CCDC57: variants seen among roughly 807,000 people sequenced by gnomAD.
CCDC57 encodes the protein coiled-coil domain containing 57, also known as coiled-coil domain-containing protein 57.
Under a neutral mutation model 118.9 loss-of-function variants are expected in CCDC57, and 118 were observed. The observed-to-expected ratio is 0.99, with a 90% CI of 0.86 to 1.16. The LOEUF (loss-of-function observed/expected upper bound fraction) is 1.16, where lower values mean the gene tolerates loss of function less well. Ranked by LOEUF, CCDC57 falls within the 50% of genes most tolerant of loss-of-function variation. The pLI, the probability that CCDC57 is intolerant of heterozygous loss-of-function variation, is 0.00. For missense variants in CCDC57, 1,300 were observed against 1,320.7 expected, an observed-to-expected ratio of 0.98 and a Z score of 0.24; for synonymous variants, 527 against 532.9, an observed-to-expected ratio of 0.99 and a Z score of 0.15.
intron 17 of CCDC57, among the ~76,000 whole-genome samples, chr17:82,133,468 GT>G (rs908871656): frequency 4.2e-5 from 6 of 143,542 alleles, no homozygotes; most frequent in African/African-American, 7.7e-5. Flanking sequence ...GAAGTTTTTG[GT>G]TTTTTTTTCA....
chr17:82,102,995 A>G (rs1431032952), intron 19 of CCDC57, among the ~76,000 whole-genome samples: 1 of 152,206 alleles, frequency 6.6e-6, no homozygotes, highest in East Asian at 1.9e-4. Context: ...ACGTGGCTGA[A>G]TGTGGCCCAG....
chr17:82,139,942 C>T (rs891728895), intron 16 of CCDC57, among the ~76,000 whole-genome samples: 10 of 152,148 alleles, frequency 6.6e-5, no homozygotes, highest in African/African-American at 1.9e-4. Context: ...GTTAAGAATA[C>T]GGCTGATGTT....
intron 2 of CCDC57, among the ~76,000 whole-genome samples, chr17:82,203,200 T>C (rs186271561): frequency 6.6e-6 from 1 of 152,196 alleles, no homozygotes; most frequent in East Asian, 1.9e-4. Flanking sequence ...ATGTGGCATC[T>C]CTCCACCACT....
chr17:82,173,524 TACA>T (rs1178364592), intron 11 of CCDC57, among the ~76,000 whole-genome samples: 1 of 152,070 alleles, frequency 6.6e-6, no homozygotes, highest in Admixed American at 6.5e-5. Flanking sequence ...GAGACGCGTC[TACA>T]ACAAGGCCAG....
At chr17:82,147,288 G>A (rs1294044808) in intron 16 of CCDC57, among the ~76,000 whole-genome samples, 3 of 140,256 alleles carry the variant, frequency 2.1e-5, no homozygotes, top group African/African-American at 7.9e-5. Flanking sequence ...ATAGATGAAT[G>A]GATGGATGAA....
chr17:82,163,907 GCCCATCCCTGTCAT>G (rs2043653355), intron 13 of CCDC57, among the ~76,000 whole-genome samples: 2 of 152,136 alleles, frequency 1.3e-5, no homozygotes, highest in African/African-American at 4.8e-5. Context: ...AGGTGCAGTG[GCCCATCCCTGTCAT>G]CTCATCACGT....
chr17:82,153,466 C>A, intron 15 of CCDC57: 1 of 152,318 alleles, frequency 6.6e-6, no homozygotes. Flanking sequence ...GCTTGAGGGG[C>A]ACTGAGGGGC....
At chr17:82,121,047 G>A (rs140333867) in intron 19 of CCDC57, among the ~76,000 whole-genome samples, 183 of 152,180 alleles carry the variant, frequency 1.2e-3, no homozygotes, top group African/African-American at 4.2e-3. Context: ...GAGCTACCGC[G>A]CCCGGCCTCT....
chr17:82,133,301 G>A (rs545180842), intron 17 of CCDC57, among the ~76,000 whole-genome samples: 1 of 151,908 alleles, frequency 6.6e-6, no homozygotes, highest in South Asian at 2.1e-4. Context: ...TTGAGCCTAG[G>A]AAGCCGAGGC....
At chr17:82,182,503 G>T (rs920737182) in intron 9 of CCDC57, among the ~76,000 whole-genome samples, 1 of 151,568 alleles carries the variant, frequency 6.6e-6, no homozygotes, top group African/African-American at 2.4e-5. Flanking sequence ...ACAGGCGTGT[G>T]ACACCACACC....
intron 11 of CCDC57, among the ~76,000 whole-genome samples, chr17:82,176,564 A>G (rs531676319): frequency 6.6e-6 from 1 of 152,116 alleles, no homozygotes; most frequent in African/African-American, 2.4e-5. Flanking sequence ...GATTACCAAT[A>G]AACAGTGTGG....
intron 9 of CCDC57, among the ~76,000 whole-genome samples, chr17:82,180,311 G>A (rs897619493): frequency 3.3e-5 from 5 of 152,300 alleles, no homozygotes; most frequent in South Asian, 2.1e-4. Flanking sequence ...GGAGAGGCAG[G>A]CCTGGCCATC....
intron 13 of CCDC57, among the ~76,000 whole-genome samples, chr17:82,170,508 A>C (rs1348948705): frequency 7.6e-5 from 3 of 39,264 alleles, no homozygotes; most frequent in South Asian, 2.3e-3. Context: ...ACTCTGTCCC[A>C]AAAAAAAAAA....
chr17:82,185,889 T>C (rs2046863521), intron 8 of CCDC57, among the ~76,000 whole-genome samples: 1 of 152,156 alleles, frequency 6.6e-6, no homozygotes, highest in South Asian at 2.1e-4. Flanking sequence ...CTGAAATAAA[T>C]ATGGCTGTCA....
chr17:82,210,965 G>A (rs2050138321), intron 1 of CCDC57, among the ~76,000 whole-genome samples: 1 of 139,750 alleles, frequency 7.2e-6, no homozygotes, highest in Non-Finnish European at 1.5e-5. Flanking sequence ...CTGAACTCCA[G>A]CCTGGGCGGC....
chr17:82,151,163 G>C (rs77564838), intron 16 of CCDC57, among the ~76,000 whole-genome samples: 3 of 57,406 alleles, frequency 5.2e-5, no homozygotes, highest in African/African-American at 7.2e-5. Context: ...AGAACCAGGC[G>C]CACACCCAGA....
chr17:82,114,754 G>C (rs1173087930), intron 19 of CCDC57, among the ~76,000 whole-genome samples: 3 of 152,228 alleles, frequency 2.0e-5, no homozygotes, highest in Non-Finnish European at 1.5e-5. Flanking sequence ...CTCTAAAATT[G>C]TAAACATGAC....
At chr17:82,114,340 G>A (rs1012624833) in intron 19 of CCDC57, among the ~76,000 whole-genome samples, 7 of 152,176 alleles carry the variant, frequency 4.6e-5, no homozygotes, top group Non-Finnish European at 7.3e-5. Context: ...TTCTGGCTGG[G>A]TGAGGGGGGA....
intron 14 of CCDC57, among the ~76,000 whole-genome samples, chr17:82,162,440 A>G (rs8082355): frequency 0.47 from 71,219 of 152,098 alleles, 17,485 homozygotes; most frequent in East Asian, 0.88. Flanking sequence ...CAGGAGTAGG[A>G]CCCGACCCCC....
Sources: gnomAD v4.1 joint callset for allele counts (sites outside exome capture counted in the v4.1 genomes callset) on GRCh38, gnomAD v4.1.1 for gene constraint, MANE v1.5 for transcripts, NCBI Gene and HGNC (gene_info 2026-07-23, HGNC 2026-07-21) for gene names.